Variants in SAMTOR observed in about 807,000 individuals in gnomAD.
SAMTOR encodes the protein UPF0532 protein C7orf60.
the SAMTOR span, among the ~76,000 whole-genome samples, chr7:112,855,935 T>C: frequency 6.6e-6 from 1 of 152,282 alleles, no homozygotes; most frequent in East Asian, 1.9e-4. Context: ...TACTTTCTAT[T>C]AGCCACTAAT....
the SAMTOR span, among the ~76,000 whole-genome samples, chr7:112,928,692 A>G: frequency 6.6e-6 from 1 of 151,980 alleles, no homozygotes; most frequent in African/African-American, 2.4e-5. Flanking sequence ...CAGTCACTCA[A>G]AAGCAGAATT....
At chr7:112,819,697 AAG>A in the SAMTOR span, 1 of 152,554 alleles carries the variant, frequency 6.6e-6, no homozygotes, top group Non-Finnish European at 1.5e-5. Context: ...TTTGGAGCAT[AAG>A]CAGAATCAAC....
At chr7:112,884,827 C>T in the SAMTOR span, among the ~76,000 whole-genome samples, 1 of 152,182 alleles carries the variant, frequency 6.6e-6, no homozygotes, top group African/African-American at 2.4e-5. Flanking sequence ...AGGCAGTGCC[C>T]CAGTAGGGAC....
chr7:112,835,544 C>T, the SAMTOR span, among the ~76,000 whole-genome samples: 1 of 151,940 alleles, frequency 6.6e-6, no homozygotes, highest in Non-Finnish European at 1.5e-5. Context: ...AGGTAAACTA[C>T]GTGTCTCAGG....
chr7:112,869,988 T>A, the SAMTOR span, among the ~76,000 whole-genome samples: 4 of 152,152 alleles, frequency 2.6e-5, no homozygotes, highest in East Asian at 7.7e-4. Flanking sequence ...GTTCTTCAAA[T>A]CAACCCTGTC....
At chr7:112,867,152 G>GA in the SAMTOR span, among the ~76,000 whole-genome samples, 3 of 152,192 alleles carry the variant, frequency 2.0e-5, no homozygotes, top group African/African-American at 7.2e-5. Context: ...TAACCTGAAT[G>GA]AAATGAAAAT....
the SAMTOR span, among the ~76,000 whole-genome samples, chr7:112,848,562 G>A: frequency 3.3e-5 from 5 of 152,134 alleles, no homozygotes; most frequent in South Asian, 2.1e-4. Flanking sequence ...AACTCAGAGC[G>A]CTGGAGCCTG....
chr7:112,847,219 C>A, the SAMTOR span, among the ~76,000 whole-genome samples: 33 of 152,232 alleles, frequency 2.2e-4, no homozygotes, highest in African/African-American at 7.0e-4. Flanking sequence ...GGTTAGATAT[C>A]TGGATTTCAA....
chr7:112,915,332 G>A, the SAMTOR span: 59 of 1,611,572 alleles, frequency 3.7e-5, no homozygotes, highest in Admixed American at 1.0e-4. Context: ...TACGACCTTC[G>A]CCCTCACAAG....
the SAMTOR span, among the ~76,000 whole-genome samples, chr7:112,906,895 G>A: frequency 6.6e-6 from 1 of 151,996 alleles, no homozygotes; most frequent in African/African-American, 2.4e-5. Flanking sequence ...TGGATAGGAT[G>A]ACTCAACATT....
At chr7:112,859,490 A>G in the SAMTOR span, among the ~76,000 whole-genome samples, 2 of 152,200 alleles carry the variant, frequency 1.3e-5, no homozygotes, top group African/African-American at 4.8e-5. Context: ...TATTTACTAC[A>G]CTTTTGTTAT....
At chr7:112,935,417 T>G in the SAMTOR span, among the ~76,000 whole-genome samples, 6 of 152,184 alleles carry the variant, frequency 3.9e-5, no homozygotes, top group Non-Finnish European at 8.8e-5. Flanking sequence ...ATACAAAAGT[T>G]TTTCCCCTTC....
the SAMTOR span, among the ~76,000 whole-genome samples, chr7:112,851,163 A>G: frequency 1.2e-4 from 19 of 152,152 alleles, no homozygotes; most frequent in Admixed American, 3.9e-4. Context: ...AGCAATCTCA[A>G]TCACTATTAA....
chr7:112,915,363 G>C, the SAMTOR span: 1 of 1,613,060 alleles, frequency 6.2e-7, no homozygotes, highest in Non-Finnish European at 8.5e-7. Flanking sequence ...ATGATTATCT[G>C]CCAAATTTTT....
the SAMTOR span, among the ~76,000 whole-genome samples, chr7:112,862,484 A>C: frequency 6.6e-6 from 1 of 152,182 alleles, no homozygotes; most frequent in East Asian, 1.9e-4. Context: ...GGATTGCATT[A>C]TATACAAGGC....
At chr7:112,876,733 G>A in the SAMTOR span, among the ~76,000 whole-genome samples, 1 of 152,154 alleles carries the variant, frequency 6.6e-6, no homozygotes, top group Non-Finnish European at 1.5e-5. Context: ...CACCTGTACT[G>A]CAGAAACACA....
chr7:112,848,198 A>G, the SAMTOR span, among the ~76,000 whole-genome samples: 2 of 152,166 alleles, frequency 1.3e-5, no homozygotes, highest in African/African-American at 4.8e-5. Flanking sequence ...AGAGGCTTAT[A>G]TTAAGTAACT....
the SAMTOR span, among the ~76,000 whole-genome samples, chr7:112,881,890 C>G: frequency 6.6e-6 from 1 of 152,234 alleles, no homozygotes. Context: ...AAACAGGAGG[C>G]TGAAATGGCC....
chr7:112,936,099 T>C, the SAMTOR span, among the ~76,000 whole-genome samples: 2 of 152,332 alleles, frequency 1.3e-5, no homozygotes, highest in Middle Eastern at 3.4e-3. Context: ...AAATTATGTA[T>C]GCAAAGACAG....
Sources: allele counts gnomAD v4.1 joint callset (sites outside exome capture counted in the v4.1 genomes callset), GRCh38; gene constraint gnomAD v4.1.1; transcripts MANE v1.5; gene names NCBI Gene and HGNC (gene_info 2026-07-23, HGNC 2026-07-21).